The following DGKD variants were observed in gnomAD, a reference collection of about 807,000 sequenced individuals.
The protein encoded by DGKD is DAG kinase delta.
In DGKD, 68 loss-of-function variants were observed where a neutral mutation model predicts 154.4. That is an observed-to-expected ratio of 0.44 (90% CI 0.36 to 0.54). DGKD has a LOEUF of 0.54. Among genes scored for constraint, DGKD ranks in the 20% least tolerant of loss-of-function variants. The pLI, the probability that DGKD is intolerant of heterozygous loss-of-function variation, is 0.00. For synonymous variants in DGKD, 693 were observed against 638.0 expected (o/e 1.09, Z -1.30); for missense variants, 1,343 against 1,593.6 (o/e 0.84, Z 2.68).
intron 19 of DGKD, 95 bp downstream of exon 19, chr2:233,454,968 A>G: frequency 1.3e-6 from 1 of 796,398 alleles, no homozygotes; most frequent in Non-Finnish European, 2.1e-6. Context: ...AGGTTAAAGA[A>G]CGTGCAGAAT....
rs966061673 is a variant in DGKD, at chr2:233,388,401, C to G, written c.267+34C>G. 3.8e-6 allele frequency: 6 copies of G among 1,590,166 alleles called. 1 individual carries two copies. The highest frequency in any genetic ancestry group is 1.8e-5 in the Admixed American group (1 of 55,496). ...CCATGCAGGAAAGCACACGCGAGGA[C>G]ATCACAGGAGCCGTCCCAGGGGAGG... On this transcript the variant is annotated intron_variant, in intron 2 of 29. Transcript: ENST00000264057.
At chr2:233,431,943 A>G (rs1197066266) in intron 3 of DGKD, among the ~76,000 whole-genome samples, 4 of 152,268 alleles carry the variant, frequency 2.6e-5, no homozygotes, top group African/African-American at 9.6e-5. Context: ...ACAGGCAACC[A>G]AAGCAAAAAG....
At chr2:233,463,730 A>G (rs1054530335) in intron 26 of DGKD, 4 of 223,898 alleles carry the variant, frequency 1.8e-5, no homozygotes, top group Non-Finnish European at 2.7e-5. Flanking sequence ...TCCTCACTCT[A>G]CGCATCTCCT....
intron 1 of DGKD, among the ~76,000 whole-genome samples, chr2:233,382,837 G>A (rs568283662): frequency 1.4e-4 from 21 of 152,110 alleles, no homozygotes; most frequent in Non-Finnish European, 2.6e-4. Context: ...GCACAGTCAC[G>A]GACTGTGCAC....
chr2:233,370,570 CTTTTTTT>C (rs56301429), intron 1 of DGKD, among the ~76,000 whole-genome samples: 10 of 123,320 alleles, frequency 8.1e-5, no homozygotes, highest in Non-Finnish European at 1.5e-4. Context: ...AGAACTTCTT[CTTTTTTT>C]TTTTTTTTTT....
intron 3 of DGKD, among the ~76,000 whole-genome samples, chr2:233,399,440 A>G (rs1204847187): frequency 6.6e-6 from 1 of 152,136 alleles, no homozygotes; most frequent in Non-Finnish European, 1.5e-5. Context: ...GGCACAGTCC[A>G]TGTGCATCCC....
chr2:233,434,685 C>A (rs2062631705), intron 4 of DGKD, 84 bp from the exon 5 acceptor site: 1 of 1,561,612 alleles, frequency 6.4e-7, no homozygotes, highest in Non-Finnish European at 8.7e-7. Flanking sequence ...CTCTTGGATA[C>A]TTTGTTTAAT....
rs556039103 is a variant in DGKD, at chr2:233,454,454, C to T, written c.2265-309C>T. 8 of 483,752 alleles carry T rather than the reference C, an allele frequency of 1.7e-5. No homozygotes were observed. In the East Asian group the frequency reaches 1.9e-4, roughly 12 times the overall value. 30.0% of individuals were successfully genotyped at this position (483,752 alleles called of 1,614,324 possible). A position where few individuals can be genotyped will look rare whatever the true frequency, so the allele number is the denominator to read the frequency against. On this transcript the variant is annotated intron_variant, in intron 18 of 29. Coordinates refer to ENST00000264057, the MANE Select transcript of DGKD (RefSeq NM_152879.3). ...GTGGAGGTGGAAAGTAGACGAGAGG[C>T]GCCAGGGATGGTGAGGATGGAGAGT...
intron 1 of DGKD, among the ~76,000 whole-genome samples, chr2:233,374,647 C>T (rs2125405498): frequency 6.6e-6 from 1 of 151,098 alleles, no homozygotes; most frequent in Non-Finnish European, 1.5e-5. Context: ...TTTATTTTTA[C>T]ATTTTTCTTT....
chr2:233,411,326 C>T (rs1325397891), intron 3 of DGKD, among the ~76,000 whole-genome samples: 1 of 152,144 alleles, frequency 6.6e-6, no homozygotes, highest in Non-Finnish European at 1.5e-5. Flanking sequence ...TAGAGAGTTC[C>T]AGTTGCTCCA....
chr2:233,360,461 C>T (rs1022885920), intron 1 of DGKD, among the ~76,000 whole-genome samples: 21 of 152,074 alleles, frequency 1.4e-4, no homozygotes, highest in Non-Finnish European at 3.1e-4. Flanking sequence ...CACTATGTTG[C>T]CCATGCTTGG....
At chr2:233,437,135 G>A (rs1014477099) in intron 7 of DGKD, among the ~76,000 whole-genome samples, 10 of 152,226 alleles carry the variant, frequency 6.6e-5, no homozygotes, top group African/African-American at 2.2e-4. Flanking sequence ...TAGCTCACAC[G>A]GTGTGAAGCA....
intron 7 of DGKD, 94 bp downstream of exon 7, chr2:233,436,535 T>C: frequency 1.3e-6 from 2 of 1,485,326 alleles, no homozygotes; most frequent in African/African-American, 1.4e-5. Context: ...TGCTGGATCC[T>C]GGTAAATTAA....
chr2:233,406,721 A>G (rs952780669), intron 3 of DGKD, among the ~76,000 whole-genome samples: 4 of 152,176 alleles, frequency 2.6e-5, no homozygotes, highest in African/African-American at 9.7e-5. Flanking sequence ...GCCTCACCAG[A>G]CTGCCAGAAG....
At chr2:233,385,965 C>G (rs943056403) in intron 1 of DGKD, 1 of 471,052 alleles carries the variant, frequency 2.1e-6, no homozygotes, top group Non-Finnish European at 4.4e-6. Flanking sequence ...CGCAGACTCT[C>G]ATCCGCCCTC....
At position 233,462,385 on chromosome 2, in the gene DGKD, C is replaced by G; in HGVS notation, c.3019C>G (p.Gln1007Glu). Residue 1007 changes from glutamine to glutamate, a missense_variant, in exon 25 of 30, where the codon CAG becomes GAG. Transcript: ENST00000264057. Reference protein sequence around the residue: ...EIAQSHRDMEQELAHAVNASS... With the variant: ...EIAQSHRDMEEELAHAVNASS... ...AGCTCAGTCTCACCGGGACATGGAG[C>G]AGGAACTGGCCCACGCCGTCAATGC... 4 of 1,604,392 alleles carry G rather than the reference C, an allele frequency of 2.5e-6. No homozygotes were observed. The highest frequency in any genetic ancestry group is 3.4e-6 in the Non-Finnish European group (4 of 1,171,924).
chr2:233,437,493 A>C lies in DGKD; in HGVS notation c.922+14A>C, dbSNP rs376698642. ...TCGACTCCGATGGTGGGTACCACAC[A>C]TGCTTATCCTTCTCATGCACGCCCA... On this transcript the variant is annotated intron_variant, in intron 8 of 29. Transcript: ENST00000264057. 6.2e-7 allele frequency: 1 copy of C among 1,611,868 alleles called. No homozygotes were observed. The highest frequency in any genetic ancestry group is 2.2e-5 in the East Asian group (1 of 44,864).
intron 3 of DGKD, among the ~76,000 whole-genome samples, chr2:233,414,109 T>G (rs1393816708): frequency 6.6e-6 from 1 of 152,170 alleles, no homozygotes; most frequent in Non-Finnish European, 1.5e-5. Context: ...AGATGCCCTT[T>G]CCTGGACAGA....
At chr2:233,398,435 G>A (rs1368337374) in intron 3 of DGKD, among the ~76,000 whole-genome samples, 10 of 151,496 alleles carry the variant, frequency 6.6e-5, no homozygotes, top group South Asian at 2.1e-4. Flanking sequence ...GTGAGCCACC[G>A]CGCCCGGCCA....
Sources: gnomAD v4.1 joint callset for allele counts (sites outside exome capture counted in the v4.1 genomes callset) on GRCh38, gnomAD v4.1.1 for gene constraint, MANE v1.5 for transcripts, NCBI Gene and HGNC (gene_info 2026-07-23, HGNC 2026-07-21) for gene names.